Variants in PDZD2 observed in about 807,000 individuals in gnomAD.
PDZD2 encodes the protein PDZ domain-containing protein 2.
PDZD2 carries 90 observed loss-of-function variants against 220.7 expected under a neutral mutation model. That is an observed-to-expected ratio of 0.41 (90% CI 0.34 to 0.49). The LOEUF is 0.49. PDZD2 is among the 20% of genes least tolerant of loss of function. The pLI is 0.28. For synonymous variants in PDZD2, 1,375 were observed against 1,450.5 expected (o/e 0.95, Z 1.18); for missense variants, 3,174 against 3,608.5 (o/e 0.88, Z 3.08).
intron 2 of PDZD2, among the ~76,000 whole-genome samples, chr5:31,912,214 A>G (rs2150369631): frequency 6.6e-6 from 1 of 152,314 alleles, no homozygotes; most frequent in South Asian, 2.1e-4. Flanking sequence ...TAGCTGATTC[A>G]GTGTCTGGTG....
chr5:31,674,261 T>C (rs545446700), intron 1 of PDZD2, among the ~76,000 whole-genome samples: 2 of 152,300 alleles, frequency 1.3e-5, no homozygotes, highest in East Asian at 3.9e-4. Flanking sequence ...CAGTGAAGTT[T>C]CAGTCTAGTG....
chr5:31,847,301 G>A (rs2150291291), intron 2 of PDZD2: 1 of 327,558 alleles, frequency 3.1e-6, no homozygotes, highest in Non-Finnish European at 5.9e-6. Flanking sequence ...CAGGAATAAG[G>A]CCTACTTTAA....
intron 1 of PDZD2, among the ~76,000 whole-genome samples, chr5:31,682,374 TTAG>T (rs1209798821): frequency 6.6e-6 from 1 of 152,210 alleles, no homozygotes; most frequent in Non-Finnish European, 1.5e-5. Flanking sequence ...TGTCGGTGCC[TTAG>T]TTGATAGCTT....
intron 1 of PDZD2, among the ~76,000 whole-genome samples, chr5:31,737,454 G>A (rs1291792679): frequency 1.3e-5 from 2 of 152,170 alleles, no homozygotes; most frequent in African/African-American, 4.8e-5. Context: ...TTACAGGCGT[G>A]AGCTACCGCG....
At chr5:31,920,436 C>G (rs1173958291) in intron 2 of PDZD2, among the ~76,000 whole-genome samples, 1 of 151,358 alleles carries the variant, frequency 6.6e-6, no homozygotes, top group Non-Finnish European at 1.5e-5. Context: ...ATTGATGAAC[C>G]TCCATTGACA....
intron 5 of PDZD2, among the ~76,000 whole-genome samples, chr5:32,009,791 A>G (rs1169907320): frequency 6.6e-6 from 1 of 152,078 alleles, no homozygotes; most frequent in Non-Finnish European, 1.5e-5. Context: ...TGGATTGCCC[A>G]TAGAAACACT....
chr5:31,790,399 C>T (rs917871589), intron 1 of PDZD2, among the ~76,000 whole-genome samples: 15 of 151,896 alleles, frequency 9.9e-5, no homozygotes, highest in South Asian at 4.2e-4. Flanking sequence ...CTCCTGGCCC[C>T]GGGAGGTCAT....
chr5:31,941,163 A>G (rs1452424334), intron 2 of PDZD2, among the ~76,000 whole-genome samples: 1 of 152,162 alleles, frequency 6.6e-6, no homozygotes, highest in Non-Finnish European at 1.5e-5. Flanking sequence ...TTGCACCAAC[A>G]TTTCTGACCC....
chr5:32,001,197 A>C (rs1056304244), intron 5 of PDZD2, among the ~76,000 whole-genome samples: 5 of 152,166 alleles, frequency 3.3e-5, no homozygotes, highest in African/African-American at 1.2e-4. Flanking sequence ...TAGGGGATGG[A>C]AAGGAAAGAA....
chr5:32,088,166 C>G lies in PDZD2; in HGVS notation c.4718C>G (p.Ala1573Gly). Reference sequence around the variant, plus strand: ...CTCACTGAAGCCCCACGAGCTTCTGCCAGGGACGGCTGGTCCCCTCCTCGT... The same window carrying G: ...CTCACTGAAGCCCCACGAGCTTCTGGCAGGGACGGCTGGTCCCCTCCTCGT... ...ESLTEAPRAS[A>G]RDGWSPPRSR... The change falls in exon 20 of 25, where the codon GCC becomes GGC. Residue 1573 changes from alanine (A) to glycine (G), a missense_variant. Physicochemically the swap from Ala to Gly is moderately conservative, Grantham distance 60. Transcript: ENST00000438447. The surrounding 1 kb of genome is among the most constrained non-coding windows in gnomAD (Gnocchi z 4.6). The G allele has an allele frequency of 6.2e-7, 1 of 1,614,058 alleles. No individual in the cohort carries two copies. The highest frequency in any genetic ancestry group is 8.5e-7 in the Non-Finnish European group (1 of 1,179,918).
chr5:31,852,123 G>A (rs1463263071), intron 2 of PDZD2, among the ~76,000 whole-genome samples: 1 of 151,748 alleles, frequency 6.6e-6, no homozygotes, highest in East Asian at 1.9e-4. Context: ...CCAAAGTGCT[G>A]GAATCACAGG....
At chr5:32,106,199 A>C (rs560091599) in intron 24 of PDZD2, 1 of 154,894 alleles carries the variant, frequency 6.5e-6, no homozygotes, top group East Asian at 1.9e-4. Context: ...GATGGGAGAC[A>C]ATGACAGATC....
At chr5:31,793,369 G>A (rs928579805) in intron 1 of PDZD2, among the ~76,000 whole-genome samples, 8 of 152,136 alleles carry the variant, frequency 5.3e-5, no homozygotes. Flanking sequence ...CGGGCAGCCA[G>A]GCAAGTCTTT....
intron 2 of PDZD2, among the ~76,000 whole-genome samples, chr5:31,974,166 A>G (rs1159751444): frequency 6.6e-6 from 1 of 152,046 alleles, no homozygotes; most frequent in Admixed American, 6.6e-5. Flanking sequence ...TTTTTAGTAG[A>G]GATGGGGTTT....
chr5:31,848,143 T>C, intron 2 of PDZD2: 1 of 281,096 alleles, frequency 3.6e-6, no homozygotes, highest in South Asian at 5.0e-5. Context: ...AGGAGCGGGC[T>C]ACTAAGACCT....
intron 1 of PDZD2, among the ~76,000 whole-genome samples, chr5:31,669,458 G>A (rs563440895): frequency 6.6e-6 from 1 of 151,748 alleles, no homozygotes; most frequent in Non-Finnish European, 1.5e-5. Flanking sequence ...CAATGGTAGG[G>A]AGAAACTCTG....
In PDZD2 at chr5:31,863,906, C is replaced by T. The variant is rs1737954472; in HGVS notation, c.476+64182C>T. Reference sequence around the variant, plus strand: ...AAAAAAAGTCATAAGACATTTGTCCCAAATACATAACAGATATATATATGC... The same window carrying T: ...AAAAAAAGTCATAAGACATTTGTCCTAAATACATAACAGATATATATATGC... On this transcript the variant is annotated intron_variant, in intron 2 of 24. Transcript: ENST00000438447. Among the ~76,000 whole-genome samples the T allele has an allele frequency of 2.0e-5, 3 of 152,222 alleles. No individual in the cohort carries two copies. The South Asian group carries it at 6.2e-4, about 32-fold the overall frequency.
intron 1 of PDZD2, among the ~76,000 whole-genome samples, chr5:31,797,254 G>A (rs1388940704): frequency 6.7e-6 from 1 of 148,222 alleles, no homozygotes; most frequent in African/African-American, 2.5e-5. Flanking sequence ...GATATTTACT[G>A]TTTTTATATG....
chr5:32,004,180 C>G (rs542835321), intron 5 of PDZD2, among the ~76,000 whole-genome samples: 1 of 152,180 alleles, frequency 6.6e-6, no homozygotes, highest in East Asian at 1.9e-4. Context: ...CTCGATGATG[C>G]CTGCTCCCTG....
Sources: gnomAD v4.1 joint callset for allele counts (sites outside exome capture counted in the v4.1 genomes callset) on GRCh38, gnomAD v4.1.1 for gene constraint, Gnocchi (gnomAD v3.1) non-coding constraint, MANE v1.5 for transcripts, NCBI Gene and HGNC (gene_info 2026-07-23, HGNC 2026-07-21) for gene names.